The following GRM1 variants were observed in gnomAD, a reference collection of about 807,000 sequenced individuals.
GRM1 encodes glutamate metabotropic receptor 1.
Under a neutral mutation model 90.9 loss-of-function variants are expected in GRM1, and 33 were observed. That is an observed-to-expected ratio of 0.36 (90% CI 0.28 to 0.49). GRM1 has a LOEUF of 0.49. Ranked by LOEUF, GRM1 falls within the 20% of genes least tolerant of loss-of-function variation. The pLI is 0.99. For synonymous variants in GRM1, 700 were observed against 613.2 expected (o/e 1.14, Z -2.09); for missense variants, 1,190 against 1,534.3 (o/e 0.78, Z 3.75).
intron 1 of GRM1, among the ~76,000 whole-genome samples, chr6:146,133,948 C>T (rs1011816668): frequency 6.6e-6 from 1 of 152,202 alleles, no homozygotes; most frequent in Non-Finnish European, 1.5e-5. Flanking sequence ...CCATCATTTT[C>T]GATAACATCA....
At chr6:146,068,114 A>ATGT (rs1775908068) in intron 1 of GRM1, among the ~76,000 whole-genome samples, 1 of 146,046 alleles carries the variant, frequency 6.8e-6, no homozygotes, top group African/African-American at 2.5e-5. Context: ...CCTTCAAATA[A>ATGT]TTTTTTTTTT....
At chr6:146,344,594 A>T (rs1312170231) in intron 3 of GRM1, among the ~76,000 whole-genome samples, 1 of 152,148 alleles carries the variant, frequency 6.6e-6, no homozygotes, top group Non-Finnish European at 1.5e-5. Flanking sequence ...ATGAGTTTTT[A>T]TTAGGCCCTC....
At chr6:146,427,588 G>T (rs1778256803) in intron 7 of GRM1, among the ~76,000 whole-genome samples, 1 of 152,198 alleles carries the variant, frequency 6.6e-6, no homozygotes, top group East Asian at 1.9e-4. Flanking sequence ...TCACTCAGTG[G>T]AGTGCAATGG....
chr6:146,350,022 A>G (rs1785339173), intron 3 of GRM1, among the ~76,000 whole-genome samples: 1 of 152,210 alleles, frequency 6.6e-6, no homozygotes, highest in Non-Finnish European at 1.5e-5. Context: ...AATTGTTGCT[A>G]ACACTAACTT....
intron 7 of GRM1, among the ~76,000 whole-genome samples, chr6:146,417,725 T>G (rs1213522461): frequency 2.6e-5 from 4 of 152,200 alleles, no homozygotes. Context: ...TCCTTTATAA[T>G]TATCATTACA....
chr6:146,394,711 A>G (rs1367929029), intron 6 of GRM1, among the ~76,000 whole-genome samples: 2 of 152,140 alleles, frequency 1.3e-5, no homozygotes, highest in Admixed American at 6.5e-5. Context: ...AAGAAATACA[A>G]ATGTAATTGT....
chr6:146,106,804 A>G (rs912425067), intron 1 of GRM1, among the ~76,000 whole-genome samples: 1 of 152,114 alleles, frequency 6.6e-6, no homozygotes, highest in Non-Finnish European at 1.5e-5. Context: ...ACTAACAAAC[A>G]CCTTTGCCAC....
At chr6:146,324,933 G>A (rs1343639086) in intron 3 of GRM1, among the ~76,000 whole-genome samples, 3 of 152,080 alleles carry the variant, frequency 2.0e-5, no homozygotes, top group East Asian at 3.9e-4. Context: ...AAATTACTGC[G>A]TTAAAATGCC....
chr6:146,042,933 AG>A, intron 1 of GRM1, among the ~76,000 whole-genome samples: 2 of 152,092 alleles, frequency 1.3e-5, no homozygotes, highest in East Asian at 3.9e-4. Context: ...ATCCTCTCAA[AG>A]GGCCAGATAA....
chr6:146,412,501 A>C (rs1413205981), intron 7 of GRM1, among the ~76,000 whole-genome samples: 1 of 152,140 alleles, frequency 6.6e-6, no homozygotes, highest in Non-Finnish European at 1.5e-5. Context: ...TGCTTATCAC[A>C]CTACCCATGA....
chr6:146,272,317 G>T (rs1256043132), intron 2 of GRM1, among the ~76,000 whole-genome samples: 2 of 152,080 alleles, frequency 1.3e-5, no homozygotes, highest in African/African-American at 2.4e-5. Flanking sequence ...TTATCATATA[G>T]GTTTCAAATC....
intron 1 of GRM1, among the ~76,000 whole-genome samples, chr6:146,102,103 G>T (rs147581279): frequency 6.6e-6 from 1 of 151,934 alleles, no homozygotes; most frequent in Non-Finnish European, 1.5e-5. Flanking sequence ...GATCTCGCTC[G>T]CCTCTTGTTC....
intron 5 of GRM1, among the ~76,000 whole-genome samples, chr6:146,363,390 GT>G (rs775394608): frequency 2.0e-5 from 3 of 152,072 alleles, no homozygotes; most frequent in Non-Finnish European, 4.4e-5. Context: ...TATATTTACA[GT>G]TGCTTAGTTA....
chr6:146,088,043 TTTTA>T (rs1776602509), intron 1 of GRM1, among the ~76,000 whole-genome samples: 1 of 152,192 alleles, frequency 6.6e-6, no homozygotes, highest in African/African-American at 2.4e-5. Context: ...AGCTGTATCA[TTTTA>T]CATTCCCACT....
In GRM1 at chr6:146,180,169, A is replaced by T. The variant is rs373706586; in HGVS notation, c.950+20572A>T. ...AAAAAAACCAACCAACCAACAAACAAAAAACTCTTCTTAAAAGATTATCTG... is the reference window on the plus strand; with the variant it reads ...AAAAAAACCAACCAACCAACAAACATAAAACTCTTCTTAAAAGATTATCTG... On this transcript the variant is annotated intron_variant, in intron 2 of 7. Coordinates refer to ENST00000282753, the MANE Select transcript of GRM1 (RefSeq NM_001278064.2). Among the ~76,000 whole-genome samples, 8 of 151,914 alleles carry T rather than the reference A, an allele frequency of 5.3e-5. No individual in the cohort carries two copies. In the East Asian group the frequency reaches 9.7e-4, roughly 18 times the overall value.
intron 2 of GRM1, among the ~76,000 whole-genome samples, chr6:146,251,456 T>C (rs1378775115): frequency 6.6e-6 from 1 of 152,198 alleles, no homozygotes; most frequent in Non-Finnish European, 1.5e-5. Flanking sequence ...CTAGAGAAAG[T>C]AGATCATATA....
At chr6:146,379,055 T>C (rs1776217719) in intron 5 of GRM1, among the ~76,000 whole-genome samples, 1 of 152,184 alleles carries the variant, frequency 6.6e-6, no homozygotes, top group Non-Finnish European at 1.5e-5. Context: ...GGTATGTCTT[T>C]ATTGGCAGCA....
Position 146,279,054 on chromosome 6 carries a change from G to A in GRM1, c.951-25557G>A, listed in dbSNP as rs566231019. On this transcript the variant is annotated intron_variant, in intron 2 of 7. Coordinates refer to ENST00000282753, the MANE Select transcript of GRM1 (RefSeq NM_001278064.2). ...ATTTTTATTAACAGATATTGTAATT[G>A]TAACCATTAAATTCTTCCTGAGTCC... 2.6e-5 allele frequency among the ~76,000 whole-genome samples: 4 copies of A among 152,218 alleles called. No homozygotes were observed. The South Asian group carries it at 8.3e-4, about 32-fold the overall frequency.
chr6:146,388,259 G>T (rs1776580919), intron 6 of GRM1, among the ~76,000 whole-genome samples: 1 of 151,968 alleles, frequency 6.6e-6, no homozygotes, highest in Non-Finnish European at 1.5e-5. Context: ...ACGTGAAGTT[G>T]TATGGCCAAA....
Sources: gnomAD v4.1 joint callset for allele counts (sites outside exome capture counted in the v4.1 genomes callset) on GRCh38, gnomAD v4.1.1 for gene constraint, MANE v1.5 for transcripts, NCBI Gene and HGNC (gene_info 2026-07-23, HGNC 2026-07-21) for gene names.